Variants in DPY19L3 observed in about 807,000 individuals in gnomAD.
The protein encoded by DPY19L3 is dpy-19 like C-mannosyltransferase 3, also known as protein C-mannosyl-transferase DPY19L3.
Under a neutral mutation model 92.3 loss-of-function variants are expected in DPY19L3, and 51 were observed. That is an observed-to-expected ratio of 0.55 (90% CI 0.44 to 0.70). DPY19L3 has a LOEUF of 0.70. Ranked by LOEUF, DPY19L3 falls within the 30% of genes least tolerant of loss-of-function variation. DPY19L3 has a pLI of 0.00. For synonymous variants in DPY19L3, 309 were observed against 315.2 expected, an observed-to-expected ratio of 0.98 and a Z score of 0.21; for missense variants, 706 against 855.9, an observed-to-expected ratio of 0.82 and a Z score of 2.18.
chr19:32,424,320 T>TA (rs11415675), intron 3 of DPY19L3, among the ~76,000 whole-genome samples: 55,929 of 141,924 alleles, frequency 0.39, 12,547 homozygotes, highest in Non-Finnish European at 0.53. Flanking sequence ...ACCCTGTCTC[T>TA]AAAAAAAAAA....
At chr19:32,439,389 A>G (rs1969252908) in intron 7 of DPY19L3, among the ~76,000 whole-genome samples, 154 bp downstream of exon 7, 2 of 152,228 alleles carry the variant, frequency 1.3e-5, no homozygotes, top group East Asian at 3.9e-4. Context: ...TCTTTTCGTG[A>G]GCTTTTTTCT....
rs1401969806 is a variant in DPY19L3, at chr19:32,432,709, G to A, written c.238-7G>A. On this transcript the variant is annotated splice_region_variant and splice_polypyrimidine_tract_variant and intron_variant, in intron 3 of 18. Transcript: ENST00000392250. The stretch of plus-strand genomic sequence containing the variant: ...ACATAAACCCATAGGATCTAACTCT[G>A]TTTTAGGAAGTGGAGCGAGAAATCT... The A allele has an allele frequency of 1.9e-6, 3 of 1,613,140 alleles. No individual in the cohort carries two copies. Among genetic ancestry groups the A allele is most frequent in the African/African-American group, 2.7e-5 (2 of 74,864 alleles).
At chr19:32,473,142 C>G (rs1246708433) in intron 16 of DPY19L3, among the ~76,000 whole-genome samples, 1 of 152,158 alleles carries the variant, frequency 6.6e-6, no homozygotes, top group Non-Finnish European at 1.5e-5. Flanking sequence ...ATTATTTGTT[C>G]AAAATGCCAT....
At chr19:32,439,975 A>C in intron 8 of DPY19L3, 65 bp downstream of exon 8, 1 of 1,578,230 alleles carries the variant, frequency 6.3e-7, no homozygotes, top group Non-Finnish European at 8.6e-7. Flanking sequence ...TCATAGAATG[A>C]GATGAAAATA....
At chr19:32,444,089 T>A (rs2145519366) in intron 8 of DPY19L3, among the ~76,000 whole-genome samples, 1 of 150,712 alleles carries the variant, frequency 6.6e-6, no homozygotes. Flanking sequence ...AAAATCTCTC[T>A]TGAGTGAAAA....
intron 3 of DPY19L3, chr19:32,413,310 A>G (rs1372691781): frequency 6.6e-6 from 1 of 152,230 alleles, no homozygotes; most frequent in Admixed American, 6.5e-5. Context: ...CCTCGAAAGG[A>G]TATTACTTTG....
At chr19:32,466,453 C>T (rs564306410) in intron 15 of DPY19L3, among the ~76,000 whole-genome samples, 2 of 152,302 alleles carry the variant, frequency 1.3e-5, no homozygotes, top group Admixed American at 1.3e-4. Context: ...AATTCTTTGC[C>T]GCTGGGGGCG....
At chr19:32,460,619 T>C (rs1970008099) in intron 12 of DPY19L3, among the ~76,000 whole-genome samples, 1 of 152,158 alleles carries the variant, frequency 6.6e-6, no homozygotes, top group Admixed American at 6.5e-5. Flanking sequence ...AAAGTGATTG[T>C]GCTATGACCT....
At chr19:32,454,790 A>G in intron 9 of DPY19L3, 149 bp from the exon 10 acceptor site, 2 of 534,174 alleles carry the variant, frequency 3.7e-6, no homozygotes, top group Non-Finnish European at 6.6e-6. Flanking sequence ...GTGTAACCTC[A>G]TGAAAATGAG....
rs191321263 is a variant in DPY19L3 at position 32,426,243 on chromosome 19, C to T, written c.238-6473C>T. 9.2e-5 allele frequency among the ~76,000 whole-genome samples: 14 copies of T among 152,366 alleles called. No individual in the cohort carries two copies. In the South Asian group the frequency reaches 1.7e-3, roughly 18 times the overall value. On this transcript the variant is annotated intron_variant, in intron 3 of 18. Transcript: ENST00000392250. ...TCACAGAATTGAAGAGAGGGCCTTG[C>T]TCTGGATTAGGCGTTGGCTTAAGAG...
intron 2 of DPY19L3, among the ~76,000 whole-genome samples, chr19:32,409,152 T>C (rs186125802): frequency 6.6e-6 from 1 of 152,314 alleles, no homozygotes; most frequent in Non-Finnish European, 1.5e-5. Flanking sequence ...TTTTGGATAA[T>C]AGTACTTTCT....
chr19:32,408,092 A>T (rs1968042920), intron 1 of DPY19L3, 125 bp from the exon 2 acceptor site: 1 of 561,284 alleles, frequency 1.8e-6, no homozygotes, highest in East Asian at 3.1e-5. Flanking sequence ...TGGGGGGAAG[A>T]AAAAAAAAGG....
At chr19:32,425,411 C>T (rs144525702) in intron 3 of DPY19L3, among the ~76,000 whole-genome samples, 61 of 152,030 alleles carry the variant, frequency 4.0e-4, no homozygotes, top group African/African-American at 1.1e-3. Context: ...ATTAGCCAGG[C>T]GTGATGGCAC....
At chr19:32,447,137 T>C (rs925420610) in intron 8 of DPY19L3, among the ~76,000 whole-genome samples, 4 of 152,114 alleles carry the variant, frequency 2.6e-5, no homozygotes, top group African/African-American at 9.7e-5. Context: ...TTTAAAAATA[T>C]ATAAAGATAT....
At chr19:32,460,252 AAAAG>A (rs894033815) in intron 12 of DPY19L3, among the ~76,000 whole-genome samples, 3 of 152,158 alleles carry the variant, frequency 2.0e-5, no homozygotes, top group African/African-American at 4.8e-5. Flanking sequence ...AAAAAAAAGA[AAAAG>A]AAAAATTAGC....
intron 3 of DPY19L3, among the ~76,000 whole-genome samples, chr19:32,425,605 A>G (rs1489609990): frequency 2.0e-5 from 3 of 152,062 alleles, no homozygotes; most frequent in Non-Finnish European, 2.9e-5. Flanking sequence ...TCCTTGATCC[A>G]TGGGCTGTAG....
At chr19:32,475,377 G>T (rs997685007) in intron 16 of DPY19L3, among the ~76,000 whole-genome samples, 4 of 152,170 alleles carry the variant, frequency 2.6e-5, no homozygotes, top group Admixed American at 2.6e-4. Context: ...GCTCTGCCAG[G>T]CGTGGAAACC....
chr19:32,464,741 G>C lies in DPY19L3; in HGVS notation c.1571G>C (p.Arg524Pro), dbSNP rs376397948. Reference protein sequence around the residue: ...LYNPKRICIMRYSVPILILLY... With the variant: ...LYNPKRICIMPYSVPILILLY... ...TTTCTTATATAGATATGTATAATGC[G>C]ATATTCAGTACCGATATTAATACTG... The change falls in exon 15 of 19, where the codon CGA becomes CCA. Residue 524 changes from arginine to proline, a missense_variant. Physicochemically the swap from Arg to Pro is moderately radical, Grantham distance 103 (BLOSUM62 -2). Transcript: ENST00000392250. 1 of 1,511,138 alleles carries C rather than the reference G, an allele frequency of 6.6e-7. No individual in the cohort carries two copies. Among genetic ancestry groups the C allele is most frequent in the Non-Finnish European group, 9.0e-7 (1 of 1,112,062 alleles). The allele number at this position is 1,511,138 out of a possible 1,614,324, so 93.6% of individuals were successfully genotyped here.
At position 32,436,546 on chromosome 19, in the gene DPY19L3, A is replaced by T. The variant is rs762250609; in HGVS notation, c.429A>T (p.Leu143Phe). 1.9e-6 allele frequency: 3 copies of T among 1,571,690 alleles called. No individual in the cohort carries two copies. In the South Asian group the frequency reaches 3.5e-5, roughly 19 times the overall value. ...NIYQEVFLSI[L>F]YRVLPIQKYL... Reference sequence around the variant, plus strand: ...ACCAAGAGGTTTTTCTCAGTATTTTATATAGAGTTCTACCCATACAGGTAT... The same window carrying T: ...ACCAAGAGGTTTTTCTCAGTATTTTTTATAGAGTTCTACCCATACAGGTAT... The change falls in exon 5 of 19, where the codon TTA (leucine) becomes TTT (phenylalanine). Residue 143 changes from leucine (L) to phenylalanine (F), a missense_variant. Coordinates refer to ENST00000392250, the MANE Select transcript of DPY19L3 (RefSeq NM_001172774.2).
Sources: gnomAD v4.1 joint callset for allele counts (sites outside exome capture counted in the v4.1 genomes callset) on GRCh38, gnomAD v4.1.1 for gene constraint, MANE v1.5 for transcripts, NCBI Gene and HGNC (gene_info 2026-07-23, HGNC 2026-07-21) for gene names.